Variants in RPS6KB2 observed in about 807,000 individuals in gnomAD.
The protein encoded by RPS6KB2 is ribosomal protein S6 kinase beta-2.
Under a neutral mutation model 58.2 loss-of-function variants are expected in RPS6KB2, and 51 were observed. The observed-to-expected ratio is 0.88, with a 90% CI of 0.70 to 1.11. The LOEUF is 1.11. Among genes scored for constraint, RPS6KB2 ranks in the 50% least tolerant of loss-of-function variants. The pLI, the probability that RPS6KB2 is intolerant of heterozygous loss-of-function variation, is 0.00. For synonymous variants in RPS6KB2, 293 were observed against 258.6 expected (o/e 1.13, Z -1.28); for missense variants, 671 against 655.8 (o/e 1.02, Z -0.25).
intron 10 of RPS6KB2, 118 bp from the exon 11 acceptor site, chr11:67,433,877 G>A: frequency 1.8e-6 from 2 of 1,127,474 alleles, no homozygotes; most frequent in Non-Finnish European, 2.6e-6. Context: ...ATAGGTGGGA[G>A]CCACACCCAA....
intron 10 of RPS6KB2, 65 bp downstream of exon 10, chr11:67,433,512 C>T (rs1864120674): frequency 7.6e-7 from 1 of 1,321,634 alleles, no homozygotes; most frequent in Admixed American, 1.7e-5. Flanking sequence ...CTGAGTCTCT[C>T]TGGGCTGTGG....
rs371011344 is a variant in RPS6KB2 at position 67,434,986 on chromosome 11, C to T, written c.1269-3C>T. Reference sequence around the variant, plus strand: ...TCTTATTCTGCCTTGGTTTCCCCTGCAGCCCCCTCAAGTTCTCCCCTTTTG... The same window carrying T: ...TCTTATTCTGCCTTGGTTTCCCCTGTAGCCCCCTCAAGTTCTCCCCTTTTG... On this transcript the variant is annotated splice_polypyrimidine_tract_variant and splice_region_variant and intron_variant, in intron 14 of 14. Coordinates refer to ENST00000312629, the MANE Select transcript of RPS6KB2 (RefSeq NM_003952.3). 2.1e-5 allele frequency: 34 copies of T among 1,613,116 alleles called. No homozygotes were observed. The highest frequency in any genetic ancestry group is 1.6e-4 in the Middle Eastern group (1 of 6,082).
chr11:67,434,900 A>G, intron 14 of RPS6KB2, 89 bp from the exon 15 acceptor site: 2 of 1,296,864 alleles, frequency 1.5e-6, no homozygotes, highest in African/African-American at 1.5e-5. Flanking sequence ...GTGCCTGGGC[A>G]GGTGGGAAAG....
At chr11:67,433,488 T>G in intron 10 of RPS6KB2, 41 bp downstream of exon 10, 1 of 1,447,348 alleles carries the variant, frequency 6.9e-7, no homozygotes, top group Non-Finnish European at 9.7e-7. Context: ...CTGCCAGCCA[T>G]TCTGCACGTG....
intron 5 of RPS6KB2, chr11:67,432,371 G>A (rs1370145772): frequency 5.8e-6 from 4 of 689,504 alleles, no homozygotes; most frequent in Admixed American, 2.0e-5. Context: ...GCGTCCTGAG[G>A]GCAGTGGCTG....
intron 5 of RPS6KB2, chr11:67,432,306 C>T: frequency 1.6e-6 from 1 of 632,774 alleles, no homozygotes; most frequent in Non-Finnish European, 2.9e-6. Flanking sequence ...GAGCTGTGGC[C>T]TGGGCCTGGC....
In RPS6KB2 at chr11:67,433,034, T is replaced by C. The variant is rs761208297; in HGVS notation, c.699T>C (p.Ile233=). Residue 233 remains isoleucine, a synonymous_variant, in exon 8 of 15, where the codon ATT becomes ATC. Coordinates refer to ENST00000312629, the MANE Select transcript of RPS6KB2 (RefSeq NM_003952.3). ...TCACTCACACCTTCTGCGGCACCAT[T>C]GAGTACATGTAAGTGGCACCTGGCT... ...GAVTHTFCGT[I]EYMAPEILVR... 4.3e-6 allele frequency: 7 copies of C among 1,613,162 alleles called. No homozygotes were observed. Among genetic ancestry groups the C allele is most frequent in the Non-Finnish European group, 5.9e-6 (7 of 1,179,944 alleles).
chr11:67,434,019 C>A lies in RPS6KB2; in HGVS notation c.931C>A (p.Arg311=), dbSNP rs200667089. 2 of 1,614,122 alleles carry A rather than the reference C, an allele frequency of 1.2e-6. No homozygotes were observed. The highest frequency in any genetic ancestry group is 1.3e-5 in the African/African-American group (1 of 75,050). Residue 311 remains arginine, a synonymous_variant, in exon 11 of 15, where the codon CGG becomes AGG. Coordinates refer to ENST00000312629, the MANE Select transcript of RPS6KB2 (RefSeq NM_003952.3). The part of the protein sequence containing the change: ...KKFLKRNPSQ[R]IGGGPGDAAD... Reference sequence around the variant, plus strand: ...GTTTCTGAAACGGAATCCCAGCCAGCGGATTGGGGGTGGCCCAGGGGATGC... The same window carrying A: ...GTTTCTGAAACGGAATCCCAGCCAGAGGATTGGGGGTGGCCCAGGGGATGC...
At position 67,434,760 on chromosome 11, in the gene RPS6KB2, C is replaced by T. The variant is rs1864206051; in HGVS notation, c.1268+66C>T. 9 of 1,271,336 alleles carry T rather than the reference C, an allele frequency of 7.1e-6. No individual in the cohort carries two copies. In the South Asian group the frequency reaches 1.2e-4, roughly 16 times the overall value. 78.8% of individuals were successfully genotyped at this position (1,271,336 alleles called of 1,614,324 possible). ...CTGGCAGGCAGGATGCCAGCTCCAG[C>T]CTTGGGTGCCTTGGCCACGTCTGTC... is the stretch of plus-strand genomic sequence containing the variant. On this transcript the variant is annotated intron_variant, in intron 14 of 14. Coordinates refer to ENST00000312629, the MANE Select transcript of RPS6KB2 (RefSeq NM_003952.3).
rs1053583748 is a variant in RPS6KB2, at chr11:67,428,787, G to A, written c.78+164G>A. The stretch of plus-strand genomic sequence containing the variant: ...TAAGTTCTGATCCCACCCTCACCCC[G>A]ACCTCTCTTCCAGAACCCCAGCCTT... On this transcript the variant is annotated intron_variant, in intron 1 of 14. Coordinates refer to ENST00000312629, the MANE Select transcript of RPS6KB2 (RefSeq NM_003952.3). The A allele has an allele frequency of 4.4e-6, 4 of 903,116 alleles. No homozygotes were observed. In the Admixed American group the frequency reaches 6.2e-5, roughly 14 times the overall value. The allele number at this position is 903,116 out of a possible 1,614,324, so 55.9% of individuals were successfully genotyped here.
In RPS6KB2 at chr11:67,434,370, C is replaced by T. The variant is rs1864176828; in HGVS notation, c.1048-7C>T. Reference sequence around the variant, plus strand: ...TCTGACCCCTCCCCACTCTGGTCGGCCCACAGCAGTCAGAGGAGGACGTGA... The same window carrying T: ...TCTGACCCCTCCCCACTCTGGTCGGTCCACAGCAGTCAGAGGAGGACGTGA... On this transcript the variant is annotated splice_region_variant and splice_polypyrimidine_tract_variant and intron_variant, in intron 12 of 14. Coordinates refer to ENST00000312629, the MANE Select transcript of RPS6KB2 (RefSeq NM_003952.3). 6.2e-7 allele frequency: 1 copy of T among 1,612,248 alleles called. No homozygotes were observed. The highest frequency in any genetic ancestry group is 8.5e-7 in the Non-Finnish European group (1 of 1,179,334).
In RPS6KB2 at chr11:67,434,577, C is replaced by G. The variant is rs371994167; in HGVS notation, c.1156-5C>G. 5 of 1,602,614 alleles carry G rather than the reference C, an allele frequency of 3.1e-6. No homozygotes were observed. Among genetic ancestry groups the G allele is most frequent in the Non-Finnish European group, 3.4e-6 (4 of 1,176,178 alleles). On this transcript the variant is annotated splice_polypyrimidine_tract_variant and splice_region_variant and intron_variant, in intron 13 of 14. Transcript: ENST00000312629. ...GTGTCGCATGGCCCTGCCTCCGCCC[C>G]CCAGGGCTTCACATACGTGGCGCCG...
In RPS6KB2 at chr11:67,432,596, G is replaced by A. The variant is rs201573086; in HGVS notation, c.458-4G>A. ...ACGTGGCTGCTGACGTGTTTGTGTG[G>A]CAGGTGGCGAGCTCTTCACGCATCT... On this transcript the variant is annotated splice_region_variant and splice_polypyrimidine_tract_variant and intron_variant, in intron 5 of 14. Coordinates refer to ENST00000312629, the MANE Select transcript of RPS6KB2 (RefSeq NM_003952.3). The A allele has an allele frequency of 1.7e-5, 27 of 1,614,080 alleles. 1 individual carries two copies. In the South Asian group the frequency reaches 2.6e-4, roughly 16 times the overall value.
rs183042478 is a variant in RPS6KB2 at position 67,432,070 on chromosome 11, C to A, written c.458-530C>A. The A allele has an allele frequency of 7.9e-5, 27 of 341,974 alleles. No homozygotes were observed. The East Asian group carries it at 2.0e-3, about 26-fold the overall frequency. The allele number at this position is 341,974 out of a possible 1,614,324, so 21.2% of individuals were successfully genotyped here. A position where few individuals can be genotyped will look rare whatever the true frequency, so the allele number is the denominator to read the frequency against. ...GGCTGGCTGCCCACATCAAGCCTTG[C>A]CCCTAGGCCGGCTGTCCCCTGCAGG... On this transcript the variant is annotated intron_variant, in intron 5 of 14. Transcript: ENST00000312629.
rs200448294 is a variant in RPS6KB2, at chr11:67,434,259, C to T, written c.1031C>T (p.Pro344Leu). 11 of 1,613,534 alleles carry T rather than the reference C, an allele frequency of 6.8e-6. No individual in the cohort carries two copies. Among genetic ancestry groups the T allele is most frequent in the African/African-American group, 1.3e-5 (1 of 74,944 alleles). Reference sequence around the variant, plus strand: ...CTTCTGGCCTGGCGTGTGGACCCCCCTTTCAGGCCCTGTCTGGTGAGCAGC... The same window carrying T: ...CTTCTGGCCTGGCGTGTGGACCCCCTTTTCAGGCCCTGTCTGGTGAGCAGC... Reference protein sequence around the residue: ...DDLLAWRVDPPFRPCLQSEED... With the variant: ...DDLLAWRVDPLFRPCLQSEED... The change falls in exon 12 of 15, where the codon CCT becomes CTT. Residue 344 changes from proline to leucine, a missense_variant. Transcript: ENST00000312629.
chr11:67,429,158 C>A lies in RPS6KB2; in HGVS notation c.158C>A (p.Thr53Asn). Residue 53 changes from threonine to asparagine, a missense_variant, in exon 3 of 15, where the codon ACC becomes AAC. By Grantham distance (65) the Thr-to-Asn change is moderately conservative. Coordinates refer to ENST00000312629, the MANE Select transcript of RPS6KB2 (RefSeq NM_003952.3). ...GHYEEVELTETSVNVGPERIG... is the reference protein window; with the variant it reads ...GHYEEVELTENSVNVGPERIG... Reference sequence around the variant, plus strand: ...TATGAAGAGGTGGAGCTGACTGAGACCAGCGTGAACGTTGGCCCAGAGCGC... The same window carrying A: ...TATGAAGAGGTGGAGCTGACTGAGAACAGCGTGAACGTTGGCCCAGAGCGC... 6.2e-7 allele frequency: 1 copy of A among 1,613,948 alleles called. No homozygotes were observed. The highest frequency in any genetic ancestry group is 1.1e-5 in the South Asian group (1 of 91,084).
At chr11:67,434,760 C>G in intron 14 of RPS6KB2, 66 bp downstream of exon 14, 2 of 1,271,454 alleles carry the variant, frequency 1.6e-6, no homozygotes, top group East Asian at 2.4e-5. Context: ...CCAGCTCCAG[C>G]CTTGGGTGCC....
chr11:67,434,144 C>CG (rs1236261829), intron 11 of RPS6KB2, 54 bp from the exon 12 acceptor site: 5 of 1,611,488 alleles, frequency 3.1e-6, no homozygotes, highest in African/African-American at 2.7e-5. Flanking sequence ...AGGGAGTGAC[C>CG]GGGGGGCAAG....
Position 67,433,406 on chromosome 11 carries a change from C to T in RPS6KB2, c.865C>T (p.Pro289Ser). ...DKIIRGKLAL[P>S]PYLTPDARDL... The stretch of plus-strand genomic sequence containing the variant: ...GATCATCAGGGGCAAGCTGGCACTG[C>T]CCCCCTACCTCACCCCAGATGCCCG... Residue 289 changes from proline to serine, a missense_variant, in exon 10 of 15, where the codon CCC (proline) becomes TCC (serine). Physicochemically the swap from Pro to Ser is moderately conservative, Grantham distance 74. Coordinates refer to ENST00000312629, the MANE Select transcript of RPS6KB2 (RefSeq NM_003952.3). The T allele has an allele frequency of 6.2e-7, 1 of 1,613,724 alleles. No individual in the cohort carries two copies. The highest frequency in any genetic ancestry group is 8.5e-7 in the Non-Finnish European group (1 of 1,179,758).
Sources: gnomAD v4.1 joint callset for allele counts on GRCh38, gnomAD v4.1.1 for gene constraint, MANE v1.5 for transcripts, NCBI Gene and HGNC (gene_info 2026-07-23, HGNC 2026-07-21) for gene names.